The following CRACR2A variants were observed in gnomAD, a reference collection of about 807,000 sequenced individuals.
CRACR2A encodes calcium release activated channel regulator 2A.
In CRACR2A, 79 loss-of-function variants were observed where a neutral mutation model predicts 90.5. The observed-to-expected ratio is 0.87, with a 90% CI of 0.73 to 1.05. The LOEUF (loss-of-function observed/expected upper bound fraction) is 1.05, where lower values mean the gene tolerates loss of function less well. Among genes scored for constraint, CRACR2A ranks in the 50% least tolerant of loss-of-function variants. The pLI, the probability that CRACR2A is intolerant of heterozygous loss-of-function variation, is 0.00. For synonymous variants in CRACR2A, 338 were observed against 356.7 expected (o/e 0.95, Z 0.59); for missense variants, 823 against 897.2 (o/e 0.92, Z 1.06).
At chr12:3,720,416 G>GCAGAAAGAAAGA (rs1555119070) in intron 2 of CRACR2A, among the ~76,000 whole-genome samples, 2 of 106,634 alleles carry the variant, frequency 1.9e-5, no homozygotes, top group Non-Finnish European at 3.8e-5. Context: ...TGAGAGAGAG[G>GCAGAAAGAAAGA]AAGAAAGAAA....
In CRACR2A at chr12:3,654,437, A is replaced by G. The variant is rs1471597519; in HGVS notation, c.859-38T>C. 5 of 1,542,578 alleles carry G rather than the reference A, an allele frequency of 3.2e-6. No homozygotes were observed. In the African/African-American group the frequency reaches 4.2e-5, roughly 13 times the overall value. On this transcript the variant is annotated intron_variant, in intron 9 of 19. Coordinates refer to ENST00000440314, the MANE Select transcript of CRACR2A (RefSeq NM_001144958.2). ...GGGGAGCAGAGGGGAATGAGGAGTGACCACCATTTTCAGGAGGGCCTGCCC... is the reference window on the plus strand; with the variant it reads ...GGGGAGCAGAGGGGAATGAGGAGTGGCCACCATTTTCAGGAGGGCCTGCCC...
At position 3,619,342 on chromosome 12, in the gene CRACR2A, G is replaced by A. The variant is rs1591631200; in HGVS notation, c.1963C>T (p.Leu655=). 9 of 1,551,660 alleles carry A rather than the reference G, an allele frequency of 5.8e-6. No individual in the cohort carries two copies. Among genetic ancestry groups the A allele is most frequent in the Non-Finnish European group, 7.8e-6 (9 of 1,146,992 alleles). The change falls in exon 18 of 20, where the codon CTG becomes TTG. Residue 655 remains leucine, a synonymous_variant. Transcript: ENST00000440314. ...TCGTTGTCAAGCTTATTACCCAGCAGAAGAACAGGCACCCGGTCTCCCACA... is the reference window on the plus strand; with the variant it reads ...TCGTTGTCAAGCTTATTACCCAGCAAAAGAACAGGCACCCGGTCTCCCACA... ...EAVGDRVPVL[L]LGNKLDNEKE...
intron 1 of CRACR2A, among the ~76,000 whole-genome samples, chr12:3,744,509 T>C (rs1444214905): frequency 6.6e-6 from 1 of 152,184 alleles, no homozygotes; most frequent in Non-Finnish European, 1.5e-5. Context: ...GAAATTACAC[T>C]GCCTCGGGTA....
At chr12:3,659,462 T>C in intron 8 of CRACR2A, 102 bp downstream of exon 8, 1 of 870,822 alleles carries the variant, frequency 1.1e-6, no homozygotes, top group Non-Finnish European at 1.8e-6. Flanking sequence ...AAAGAGGGAA[T>C]CAATAGTGCA....
At position 3,638,196 on chromosome 12, in the gene CRACR2A, C is replaced by T. The variant is rs777429692; in HGVS notation, c.1530G>A (p.Pro510=). The change falls in exon 14 of 20, where the codon CCG becomes CCA. Residue 510 remains proline, a synonymous_variant. Coordinates refer to ENST00000440314, the MANE Select transcript of CRACR2A (RefSeq NM_001144958.2). ...GGGTGAGTTTCAAGGGTGGGGCCTC[C>T]GGGATTTGTCCCTGTACCCCCTGGT... ...VSDQGVQGQI[P]EAPPLKLTPT... is the part of the protein sequence containing the mutation. 54 of 1,551,256 alleles carry T rather than the reference C, an allele frequency of 3.5e-5. No homozygotes were observed. Among genetic ancestry groups the T allele is most frequent in the East Asian group, 2.4e-4 (10 of 40,914 alleles).
At chr12:3,640,715 A>T in intron 13 of CRACR2A, 3 of 1,305,386 alleles carry the variant, frequency 2.3e-6, no homozygotes, top group African/African-American at 3.0e-5. Context: ...TCATGCTTGC[A>T]GTCTTCAAGG....
At chr12:3,629,729 T>G (rs1944344363) in intron 15 of CRACR2A, among the ~76,000 whole-genome samples, 1 of 151,456 alleles carries the variant, frequency 6.6e-6, no homozygotes, top group Non-Finnish European at 1.5e-5. Flanking sequence ...GTGGTGAGCT[T>G]GGTGAGACTC....
At chr12:3,684,143 G>A (rs1408174411) in intron 4 of CRACR2A, among the ~76,000 whole-genome samples, 3 of 152,088 alleles carry the variant, frequency 2.0e-5, no homozygotes, top group Non-Finnish European at 2.9e-5. Context: ...TTTTATTGAG[G>A]AAAAAATCAG....
chr12:3,725,760 T>G (rs761784714), intron 2 of CRACR2A, among the ~76,000 whole-genome samples: 2 of 152,208 alleles, frequency 1.3e-5, no homozygotes, highest in African/African-American at 2.4e-5. Context: ...GGAAATTAAA[T>G]AAGTATTTTC....
intron 4 of CRACR2A, among the ~76,000 whole-genome samples, chr12:3,692,458 A>G (rs991449824): frequency 2.2e-5 from 3 of 134,532 alleles, no homozygotes; most frequent in East Asian, 2.4e-4. Context: ...GGGGACCTGT[A>G]TCAGGCCCTG....
At chr12:3,634,342 A>G (rs981750068) in intron 14 of CRACR2A, among the ~76,000 whole-genome samples, 3 of 152,160 alleles carry the variant, frequency 2.0e-5, no homozygotes, top group Non-Finnish European at 4.4e-5. Flanking sequence ...AGGCACTGCC[A>G]TCTTCCTTGG....
intron 10 of CRACR2A, among the ~76,000 whole-genome samples, chr12:3,653,334 A>G (rs1944835758): frequency 6.6e-6 from 1 of 152,220 alleles, no homozygotes; most frequent in Non-Finnish European, 1.5e-5. Context: ...CATAAGTGAG[A>G]TATATTGAAT....
At chr12:3,619,168 C>A in intron 18 of CRACR2A, 103 bp downstream of exon 18, 1 of 877,082 alleles carries the variant, frequency 1.1e-6, no homozygotes. Flanking sequence ...GCTTCCTTCC[C>A]ATGGCACTTC....
chr12:3,664,854 A>G (rs969993941), intron 7 of CRACR2A, among the ~76,000 whole-genome samples: 3 of 152,176 alleles, frequency 2.0e-5, no homozygotes, highest in African/African-American at 7.2e-5. Context: ...TAAAAATACA[A>G]AAAGTAGCCA....
intron 3 of CRACR2A, among the ~76,000 whole-genome samples, chr12:3,710,635 A>C (rs1945993793): frequency 6.6e-6 from 1 of 152,132 alleles, no homozygotes; most frequent in African/African-American, 2.4e-5. Flanking sequence ...TCTACTAAAA[A>C]TACAAAAATT....
intron 1 of CRACR2A, among the ~76,000 whole-genome samples, chr12:3,745,759 C>T (rs1235166636): frequency 1.6e-5 from 1 of 61,834 alleles, no homozygotes; most frequent in Non-Finnish European, 3.2e-5. Flanking sequence ...GCCTGGGCAA[C>T]AAGAACAAAA....
In CRACR2A at chr12:3,654,305, T is replaced by A; in HGVS notation, c.953A>T (p.Glu318Val). The part of the protein sequence containing the change: ...LKLTNQELAR[E>V]LERTSWELQD... ...GAGCTCCCAGGAAGTCCGCTCCAGC[T>A]CCCGGGCCAGCTCCTGGTTAGTGAG... Residue 318 changes from glutamate (E) to valine (V), a missense_variant, in exon 10 of 20, where the codon GAG becomes GTG. Physicochemically the swap from Glu to Val is moderately radical, Grantham distance 121 (BLOSUM62 -2). Coordinates refer to ENST00000440314, the MANE Select transcript of CRACR2A (RefSeq NM_001144958.2). The A allele has an allele frequency of 6.2e-7, 1 of 1,613,918 alleles. No individual in the cohort carries two copies. Among genetic ancestry groups the A allele is most frequent in the East Asian group, 2.2e-5 (1 of 44,880 alleles).
At chr12:3,738,140 T>C (rs1946474260) in intron 1 of CRACR2A, among the ~76,000 whole-genome samples, 1 of 152,258 alleles carries the variant, frequency 6.6e-6, no homozygotes. Context: ...TTCCCTCTCC[T>C]AATTTTGTCA....
rs192287676 is a variant in CRACR2A, at chr12:3,615,879, G to A, written c.2112-440C>T. 2.0e-5 allele frequency among the ~76,000 whole-genome samples: 3 copies of A among 152,346 alleles called. No individual in the cohort carries two copies. The East Asian group carries it at 5.8e-4, about 29-fold the overall frequency. On this transcript the variant is annotated intron_variant, in intron 19 of 19. Transcript: ENST00000440314. ...TCACAGTAACCAGCACACAGGTGAG[G>A]CTCCAAAATATACTGATGGGTCGTA...
Sources: allele counts gnomAD v4.1 joint callset (sites outside exome capture counted in the v4.1 genomes callset), GRCh38; gene constraint gnomAD v4.1.1; transcripts MANE v1.5; gene names NCBI Gene and HGNC (gene_info 2026-07-23, HGNC 2026-07-21).